The following LINGO2 variants were observed in gnomAD, a reference collection of about 807,000 sequenced individuals.
LINGO2 encodes leucine-rich repeat and immunoglobulin-like domain-containing nogo receptor-interacting protein 2.
Under a neutral mutation model 30.6 loss-of-function variants are expected in LINGO2, and 14 were observed. That is an observed-to-expected ratio of 0.46 (90% CI 0.30 to 0.72). LINGO2 has a LOEUF of 0.72. Ranked by LOEUF, LINGO2 falls within the 30% of genes least tolerant of loss-of-function variation. The pLI, the probability that LINGO2 is intolerant of heterozygous loss-of-function variation, is 0.07. For synonymous variants in LINGO2, 317 were observed against 288.5 expected (o/e 1.10, Z -1.00); for missense variants, 729 against 751.7 (o/e 0.97, Z 0.35).
chr9:29,077,054 A>G, the LINGO2 span, among the ~76,000 whole-genome samples: 4 of 152,088 alleles, frequency 2.6e-5, no homozygotes, highest in Non-Finnish European at 5.9e-5. Flanking sequence ...ATTTATTGCC[A>G]TGCTCTTCCA....
At chr9:28,244,280 G>A (rs1387565237) in intron 4 of LINGO2, among the ~76,000 whole-genome samples, 2 of 152,182 alleles carry the variant, frequency 1.3e-5, no homozygotes, top group African/African-American at 2.4e-5. Flanking sequence ...AAACCAATGA[G>A]AACAAACAGA....
At chr9:28,681,814 T>C in the LINGO2 span, among the ~76,000 whole-genome samples, 1 of 152,010 alleles carries the variant, frequency 6.6e-6, no homozygotes, top group South Asian at 2.1e-4. Flanking sequence ...GAAAGAAAAA[T>C]CTACAGCAGA....
chr9:28,666,111 C>T (rs1401339722), intron 1 of LINGO2, among the ~76,000 whole-genome samples: 1 of 151,858 alleles, frequency 6.6e-6, no homozygotes, highest in African/African-American at 2.4e-5. Context: ...AGGCTGGTCT[C>T]GAACTCCTGA....
the LINGO2 span, among the ~76,000 whole-genome samples, chr9:29,159,691 T>G: frequency 1.2e-4 from 18 of 151,978 alleles, no homozygotes; most frequent in Non-Finnish European, 2.5e-4. Flanking sequence ...ACCCTGTCTC[T>G]ACTAAAAAAT....
At position 28,561,709 on chromosome 9, in the gene LINGO2, TATATATAAA is replaced by T. The variant is rs1563826275; in HGVS notation, c.-364-85693_-364-85685del. On this transcript the variant is annotated intron_variant, in intron 1 of 5. Coordinates refer to ENST00000379992, the Ensembl canonical transcript of LINGO2. Reference sequence around the variant, plus strand: ...TTATATATGTATAATATATATAAATTATATATAAATGTATTATATATAATTTTGTGTGTG... The same window carrying T: ...TTATATATGTATAATATATATAAATTTGTATTATATATAATTTTGTGTGTG... 3.5e-4 allele frequency among the ~76,000 whole-genome samples: 41 copies of T among 115,998 alleles called. 1 individual carries two copies. Among genetic ancestry groups the T allele is most frequent in the Middle Eastern group, 4.5e-3 (1 of 222 alleles). The allele number at this position is 115,998 out of a possible 152,430, so 76.1% of individuals were successfully genotyped here.
the LINGO2 span, among the ~76,000 whole-genome samples, chr9:29,153,452 A>G: frequency 1.3e-5 from 2 of 152,186 alleles, no homozygotes; most frequent in Admixed American, 6.5e-5. Flanking sequence ...TTAGGTAACT[A>G]CTGGGTAGAC....
At chr9:28,898,060 G>C in the LINGO2 span, among the ~76,000 whole-genome samples, 1 of 151,996 alleles carries the variant, frequency 6.6e-6, no homozygotes, top group Non-Finnish European at 1.5e-5. Flanking sequence ...AATAAAAGTA[G>C]TGACCTCTAC....
the LINGO2 span, among the ~76,000 whole-genome samples, chr9:29,099,432 G>T: frequency 6.6e-6 from 1 of 152,092 alleles, no homozygotes; most frequent in Non-Finnish European, 1.5e-5. Flanking sequence ...AACAATCAAT[G>T]TAGTGAAGAT....
At chr9:28,343,540 G>C (rs867207504) in intron 3 of LINGO2, among the ~76,000 whole-genome samples, 2 of 152,164 alleles carry the variant, frequency 1.3e-5, no homozygotes, top group Non-Finnish European at 2.9e-5. Flanking sequence ...TAGACATCGT[G>C]ATAAAAGTAC....
chr9:28,285,231 T>A (rs1167281825), intron 4 of LINGO2, among the ~76,000 whole-genome samples: 1 of 152,000 alleles, frequency 6.6e-6, no homozygotes, highest in Non-Finnish European at 1.5e-5. Context: ...ATCGTTATCA[T>A]CATCATCATC....
chr9:28,148,611 G>C lies in LINGO2; in HGVS notation c.-86-136206C>G. The stretch of plus-strand genomic sequence containing the variant: ...TGGTACAATCCCAGGCCCTTGGAGG[G>C]AAATGTCCACCTCAAGAGCTTGACA... On this transcript the variant is annotated intron_variant, in intron 4 of 5. Coordinates refer to ENST00000379992, the Ensembl canonical transcript of LINGO2. This position sits in a 1 kb window ranked among gnomAD's most constrained non-coding sequence, Gnocchi z 5.1. 6.6e-7 allele frequency: 1 copy of C among 1,517,650 alleles called. No homozygotes were observed. Among genetic ancestry groups the C allele is most frequent in the Non-Finnish European group, 8.8e-7 (1 of 1,131,402 alleles). 94.0% of individuals were successfully genotyped at this position (1,517,650 alleles called of 1,614,324 possible). A position where few individuals can be genotyped will look rare whatever the true frequency, so the allele number is the denominator to read the frequency against.
the LINGO2 span, among the ~76,000 whole-genome samples, chr9:28,742,604 T>C: frequency 2.6e-5 from 4 of 152,090 alleles, no homozygotes; most frequent in Middle Eastern, 3.4e-3. Flanking sequence ...ACATACTAAA[T>C]CTATATCTGT....
the LINGO2 span, among the ~76,000 whole-genome samples, chr9:28,894,839 C>T: frequency 3.3e-5 from 5 of 152,138 alleles, no homozygotes; most frequent in South Asian, 1.0e-3. Context: ...AATTACTTCA[C>T]ATACTTAATT....
chr9:28,019,345 T>G (rs1183006617), intron 4 of LINGO2, among the ~76,000 whole-genome samples: 1 of 148,652 alleles, frequency 6.7e-6, no homozygotes, highest in South Asian at 2.1e-4. Flanking sequence ...TCCTTAGTAA[T>G]GGATTAGCAA....
chr9:28,464,706 G>T (rs943544151), intron 2 of LINGO2, among the ~76,000 whole-genome samples: 2 of 152,132 alleles, frequency 1.3e-5, no homozygotes, highest in East Asian at 3.8e-4. Context: ...GCCATCATCG[G>T]CTTTTTATTT....
chr9:29,010,239 C>T, the LINGO2 span, among the ~76,000 whole-genome samples: 9 of 152,174 alleles, frequency 5.9e-5, no homozygotes, highest in Non-Finnish European at 1.3e-4. Flanking sequence ...TCAGAGTGAA[C>T]TGGCAACCTA....
the LINGO2 span, among the ~76,000 whole-genome samples, chr9:28,996,137 C>G: frequency 6.8e-6 from 1 of 147,932 alleles, no homozygotes; most frequent in Non-Finnish European, 1.5e-5. Flanking sequence ...AAAAAAAGGA[C>G]TGTGAAGTAA....
At chr9:28,866,952 A>G in the LINGO2 span, among the ~76,000 whole-genome samples, 1 of 152,320 alleles carries the variant, frequency 6.6e-6, no homozygotes, top group East Asian at 1.9e-4. Flanking sequence ...TATTTCTTAG[A>G]ATCTTGTATC....
At chr9:28,830,637 A>G in the LINGO2 span, among the ~76,000 whole-genome samples, 2 of 152,230 alleles carry the variant, frequency 1.3e-5, no homozygotes, top group Non-Finnish European at 2.9e-5. Context: ...ATATTTTAGT[A>G]GTAGCTCTTG....
Sources: allele counts gnomAD v4.1 joint callset (sites outside exome capture counted in the v4.1 genomes callset), GRCh38; gene constraint gnomAD v4.1.1; non-coding constraint Gnocchi (gnomAD v3.1); transcripts MANE v1.5; gene names NCBI Gene and HGNC (gene_info 2026-07-23, HGNC 2026-07-21).